The following TANC2 variants were observed in gnomAD, a reference collection of about 807,000 sequenced individuals.
TANC2 encodes tetratricopeptide repeat, ankyrin repeat and coiled-coil containing 2.
TANC2 carries 26 observed loss-of-function variants against 210.5 expected under a neutral mutation model. The ratio of observed to expected loss-of-function variants is 0.12; its 90% CI spans 0.09 to 0.17. The LOEUF is 0.17. Ranked by LOEUF, TANC2 falls within the 10% of genes least tolerant of loss-of-function variation. The pLI is 1.00. For synonymous variants in TANC2, 931 were observed against 967.1 expected (o/e 0.96, Z 0.69); for missense variants, 2,129 against 2,608.9 (o/e 0.82, Z 4.01).
intron 8 of TANC2, among the ~76,000 whole-genome samples, chr17:63,243,376 A>C (rs2042828755): frequency 6.6e-6 from 1 of 152,236 alleles, no homozygotes; most frequent in South Asian, 2.1e-4. Context: ...GTCCATGAGA[A>C]ATGAGTGCTT....
At chr17:63,242,004 T>C (rs184904997) in intron 8 of TANC2, among the ~76,000 whole-genome samples, 44 of 152,298 alleles carry the variant, frequency 2.9e-4, no homozygotes, top group African/African-American at 9.9e-4. Flanking sequence ...TAATAGTAAA[T>C]TGGTCACCTG....
At chr17:63,246,883 C>A (rs2042933748) in intron 8 of TANC2, among the ~76,000 whole-genome samples, 1 of 152,054 alleles carries the variant, frequency 6.6e-6, no homozygotes, top group Admixed American at 6.6e-5. Context: ...TTAAGAAATG[C>A]AAAAATGTTT....
At chr17:63,130,513 C>T (rs78707973) in intron 4 of TANC2, among the ~76,000 whole-genome samples, 2 of 111,136 alleles carry the variant, frequency 1.8e-5, no homozygotes, top group Admixed American at 1.9e-4. Context: ...CTCCATCTCA[C>T]AAAAAAAAAA....
At chr17:63,128,966 G>A (rs889833081) in intron 4 of TANC2, among the ~76,000 whole-genome samples, 1 of 152,106 alleles carries the variant, frequency 6.6e-6, no homozygotes, top group Non-Finnish European at 1.5e-5. Context: ...TGGTTCAGTT[G>A]CATACTTACG....
At chr17:63,221,481 AT>A (rs1467067243) in intron 7 of TANC2, among the ~76,000 whole-genome samples, 3 of 151,720 alleles carry the variant, frequency 2.0e-5, no homozygotes, top group African/African-American at 7.3e-5. Flanking sequence ...GAAAAGGGAA[AT>A]TATAGATGAA....
chr17:63,013,362 A>T (rs982827056), intron 2 of TANC2, among the ~76,000 whole-genome samples: 1 of 152,030 alleles, frequency 6.6e-6, no homozygotes, highest in African/African-American at 2.4e-5. Context: ...TGTTAGTCTA[A>T]TTGCTACTCC....
chr17:63,345,700 A>G (rs1463206363), intron 12 of TANC2, among the ~76,000 whole-genome samples: 5 of 152,168 alleles, frequency 3.3e-5, no homozygotes, highest in African/African-American at 1.2e-4. Context: ...GCAAAGTACC[A>G]AAAATAGCCA....
intron 2 of TANC2, among the ~76,000 whole-genome samples, chr17:63,040,342 A>G (rs953491746): frequency 1.5e-4 from 23 of 152,182 alleles, no homozygotes; most frequent in African/African-American, 5.1e-4. Flanking sequence ...AGGCACTGTC[A>G]TTTCAGAAGT....
chr17:63,314,144 T>G (rs1400504070), intron 9 of TANC2, among the ~76,000 whole-genome samples: 2 of 152,246 alleles, frequency 1.3e-5, no homozygotes, highest in Non-Finnish European at 2.9e-5. Flanking sequence ...TTCGGACTGA[T>G]CAAGTAAATC....
At chr17:63,314,523 C>T in exon 10 of TANC2, 1 of 1,613,912 alleles carries the variant, frequency 6.2e-7, no homozygotes, top group Non-Finnish European at 8.5e-7. Context: ...CTTCAAAGTT[C>T]AAATGCCAGC....
intron 13 of TANC2, among the ~76,000 whole-genome samples, chr17:63,353,434 C>T (rs1022801294): frequency 1.3e-5 from 2 of 151,780 alleles, no homozygotes; most frequent in African/African-American, 4.8e-5. Flanking sequence ...AGTTTTGTGG[C>T]GGGGGACAAA....
At chr17:63,337,815 C>T (rs1408996412) in intron 11 of TANC2, among the ~76,000 whole-genome samples, 5 of 152,146 alleles carry the variant, frequency 3.3e-5, no homozygotes, top group African/African-American at 1.2e-4. Flanking sequence ...TTTCCCTCTA[C>T]ATGCCTATGT....
At chr17:63,264,061 T>A (rs1282621605) in intron 8 of TANC2, among the ~76,000 whole-genome samples, 1 of 152,226 alleles carries the variant, frequency 6.6e-6, no homozygotes, top group Non-Finnish European at 1.5e-5. Context: ...AGCTGGAGAC[T>A]GGCTCCAGAT....
chr17:63,172,707 G>T (rs1281623115), intron 5 of TANC2, among the ~76,000 whole-genome samples: 1 of 152,042 alleles, frequency 6.6e-6, no homozygotes, highest in Non-Finnish European at 1.5e-5. Flanking sequence ...ATGAACCTAA[G>T]AACTCAGAGG....
intron 7 of TANC2, among the ~76,000 whole-genome samples, chr17:63,201,716 A>C (rs2041540995): frequency 6.6e-6 from 1 of 151,852 alleles, no homozygotes; most frequent in South Asian, 2.1e-4. Flanking sequence ...TTTGCAGCAG[A>C]AACTAAAACC....
chr17:63,212,294 A>T (rs756856949), intron 7 of TANC2, among the ~76,000 whole-genome samples: 3 of 152,318 alleles, frequency 2.0e-5, no homozygotes, highest in African/African-American at 7.2e-5. Context: ...TAAGTTCTCT[A>T]TGATTAATTT....
At chr17:63,183,882 TGGCG>T (rs2040879981) in intron 5 of TANC2, among the ~76,000 whole-genome samples, 4 of 151,822 alleles carry the variant, frequency 2.6e-5, no homozygotes, top group Non-Finnish European at 5.9e-5. Context: ...CCGGGCGAGG[TGGCG>T]GGCACCTGTA....
intron 2 of TANC2, among the ~76,000 whole-genome samples, chr17:63,061,261 G>A (rs1334277751): frequency 1.3e-5 from 2 of 152,010 alleles, no homozygotes. Context: ...CAGTTACTGG[G>A]GAGGGTGAGG....
At chr17:62,970,790 A>G (rs771347452) in intron 1 of TANC2, among the ~76,000 whole-genome samples, 6 of 152,200 alleles carry the variant, frequency 3.9e-5, no homozygotes, top group South Asian at 2.1e-4. Flanking sequence ...AGAATCACCA[A>G]TGTTAGCTGG....
Sources: allele counts gnomAD v4.1 joint callset (sites outside exome capture counted in the v4.1 genomes callset), GRCh38; gene constraint gnomAD v4.1.1; transcripts MANE v1.5; gene names NCBI Gene and HGNC (gene_info 2026-07-23, HGNC 2026-07-21).